The following CCDC137 variants were observed in gnomAD, a reference collection of about 807,000 sequenced individuals.
CCDC137 encodes the protein coiled-coil domain containing 137.
In CCDC137, 24 loss-of-function variants were observed where a neutral mutation model predicts 30.4. That is an observed-to-expected ratio of 0.79 (90% confidence interval 0.57 to 1.11). The LOEUF is 1.11. CCDC137 is among the 50% of genes least tolerant of loss of function. The probability of loss-of-function intolerance (pLI) is 0.00; values close to 1 mark genes in which losing one functional copy is unlikely to be tolerated. For synonymous variants in CCDC137, 182 were observed against 155.7 expected (o/e 1.17, Z -1.26); for missense variants, 417 against 380.4 (o/e 1.10, Z -0.80).
At position 81,667,713 on chromosome 17, in the gene CCDC137, G is replaced by A; in HGVS notation, c.135-16G>A. 1.9e-6 allele frequency: 3 copies of A among 1,613,468 alleles called. 1 individual carries two copies. The highest frequency in any genetic ancestry group is 2.2e-5 in the South Asian group (2 of 91,042). On this transcript the variant is annotated splice_polypyrimidine_tract_variant and intron_variant, in intron 1 of 5. Transcript: ENST00000329214. Reference sequence around the variant, plus strand: ...TTTACTTGGGACGGGTCTCACCCCCGTGTTCTTTCTCCCAGCAAAGAGAAG... The same window carrying A: ...TTTACTTGGGACGGGTCTCACCCCCATGTTCTTTCTCCCAGCAAAGAGAAG...
intron 4 of CCDC137, 50 bp downstream of exon 4, chr17:81,671,876 G>C: frequency 1.3e-6 from 2 of 1,593,554 alleles, no homozygotes; most frequent in Non-Finnish European, 8.6e-7. Flanking sequence ...GTGGGGCCTG[G>C]GCGCAGGCCT....
In CCDC137 at chr17:81,670,307, G is replaced by A. The variant is rs376115816; in HGVS notation, c.351G>A (p.Arg117=). Residue 117 remains arginine (R), a synonymous_variant, in exon 3 of 6, where the codon AGG becomes AGA. Coordinates refer to ENST00000329214, the MANE Select transcript of CCDC137 (RefSeq NM_199287.3). ...TCGCAGTCCCCAAGTTCAAACAGAG[G>A]AAGGGGGAGTCTGACGGGGCCTATA... The part of the protein sequence containing the change: ...PDIAVPKFKQ[R]KGESDGAYIH... 6.3e-5 allele frequency: 102 copies of A among 1,614,030 alleles called. No individual in the cohort carries two copies. The African/African-American group carries it at 1.1e-3, about 17-fold the overall frequency.
chr17:81,670,154 G>C, intron 2 of CCDC137, 71 bp from the exon 3 acceptor site: 2 of 1,208,374 alleles, frequency 1.7e-6, no homozygotes, highest in Non-Finnish European at 2.3e-6. Flanking sequence ...TTTGGGAGGG[G>C]AAATGAGCAT....
At chr17:81,671,396 A>G (rs2036718501) in intron 3 of CCDC137, among the ~76,000 whole-genome samples, 1 of 152,164 alleles carries the variant, frequency 6.6e-6, no homozygotes, top group Non-Finnish European at 1.5e-5. Flanking sequence ...GATGGGCTGG[A>G]TGAGTCTCTG....
rs574701572 is a variant in CCDC137, at chr17:81,667,837, C to A, written c.243C>A (p.Ile81=). ...MRSRQEMKNP[I]SNKKRKKAAQ... ...GCCGCCAAGAGATGAAAAACCCGAT[C>A]AGTAACAAGAAGAGGAAGAAAGCAG... The change falls in exon 2 of 6, where the codon ATC becomes ATA. Residue 81 remains isoleucine, a synonymous_variant. Transcript: ENST00000329214. 5 of 1,611,934 alleles carry A rather than the reference C, an allele frequency of 3.1e-6. No individual in the cohort carries two copies. The Admixed American group carries it at 6.7e-5, about 21-fold the overall frequency.
intron 3 of CCDC137, among the ~76,000 whole-genome samples, chr17:81,670,922 A>T (rs946389186): frequency 1.3e-5 from 2 of 151,916 alleles, no homozygotes; most frequent in African/African-American, 4.8e-5. Flanking sequence ...AGGTCAGGAG[A>T]TCGAGACCAT....
chr17:81,670,317 T>TC lies in CCDC137; in HGVS notation c.362dup (p.Asp122Ter). On this transcript the variant is annotated frameshift_variant, in exon 3 of 6. Coordinates refer to ENST00000329214, the MANE Select transcript of CCDC137 (RefSeq NM_199287.3). LOFTEE classifies it high-confidence loss of function. ...CAAGTTCAAACAGAGGAAGGGGGAG[T>TC]CTGACGGGGCCTATATCCACCGCAT... The TC allele has an allele frequency of 2.5e-6, 4 of 1,613,224 alleles. No individual in the cohort carries two copies. The highest frequency in any genetic ancestry group is 3.4e-6 in the Non-Finnish European group (4 of 1,179,892).
In CCDC137 at chr17:81,670,390, T is replaced by G; in HGVS notation, c.434T>G (p.Ile145Ser). 6.2e-7 allele frequency: 1 copy of G among 1,613,786 alleles called. No homozygotes were observed. Among genetic ancestry groups the G allele is most frequent in the Non-Finnish European group, 8.5e-7 (1 of 1,180,016 alleles). Residue 145 changes from isoleucine (I) to serine (S), a missense_variant, in exon 3 of 6, where the codon ATC (isoleucine) becomes AGC (serine). Physicochemically the swap from Ile to Ser is moderately radical, Grantham distance 142. Coordinates refer to ENST00000329214, the MANE Select transcript of CCDC137 (RefSeq NM_199287.3). Reference protein sequence around the residue: ...HVLFLSKNQAIRQPEVQAAPK... With the variant: ...HVLFLSKNQASRQPEVQAAPK... ...CTGTTCCTCAGCAAGAACCAGGCCATCCGGCAGCCAGAGGTGCAGGCAGCT... is the reference window on the plus strand; with the variant it reads ...CTGTTCCTCAGCAAGAACCAGGCCAGCCGGCAGCCAGAGGTGCAGGCAGCT...
Position 81,672,654 on chromosome 17 carries a change from G to A in CCDC137, c.820G>A (p.Gly274Arg), listed in dbSNP as rs61742298. 34,057 of 1,601,056 alleles carry A rather than the reference G, an allele frequency of 0.021. 434 individuals carry two copies. Among genetic ancestry groups the A allele is most frequent in the Non-Finnish European group, 0.024 (28,545 of 1,174,856 alleles). Residue 274 changes from glycine (G) to arginine (R), a missense_variant, in exon 6 of 6, where the codon GGG becomes AGG. By Grantham distance (125) the Gly-to-Arg change is moderately radical (BLOSUM62 -2). Transcript: ENST00000329214. Reference sequence around the variant, plus strand: ...GAAGCAGCGGCAGCAGCAGCTGCACGGGGAGCGACCCCACCTCACTTCCCG... The same window carrying A: ...GAAGCAGCGGCAGCAGCAGCTGCACAGGGAGCGACCCCACCTCACTTCCCG... ...ALKQRQQQLH[G>R]ERPHLTSRKK...
Position 81,672,750 on chromosome 17 carries a change from C to T in CCDC137, c.*46C>T, listed in dbSNP as rs780174434. ...GGCCACGCTCTGGGGCAACTGGCAC[C>T]AGGAGCTGCTACACCTGGGTAGGAG... On this transcript the variant is annotated 3_prime_UTR_variant, in exon 6 of 6. Coordinates refer to ENST00000329214, the MANE Select transcript of CCDC137 (RefSeq NM_199287.3). The T allele has an allele frequency of 2.0e-6, 3 of 1,489,598 alleles. No homozygotes were observed. The Admixed American group carries it at 6.3e-5, about 31-fold the overall frequency. The allele number at this position is 1,489,598 out of a possible 1,614,324, so 92.3% of individuals were successfully genotyped here.
chr17:81,671,316 G>T (rs1429254929), intron 3 of CCDC137, among the ~76,000 whole-genome samples: 1 of 152,194 alleles, frequency 6.6e-6, no homozygotes, highest in Non-Finnish European at 1.5e-5. Context: ...TGAAGGTGAA[G>T]CTTCCAGATT....
chr17:81,667,347 G>A (rs2036648982), intron 1 of CCDC137, among the ~76,000 whole-genome samples: 1 of 145,534 alleles, frequency 6.9e-6, no homozygotes. Flanking sequence ...TTGAGACGGA[G>A]TCTCACTCTG....
intron 3 of CCDC137, 61 bp downstream of exon 3, chr17:81,670,514 C>A: frequency 7.1e-7 from 1 of 1,406,430 alleles, no homozygotes; most frequent in Non-Finnish European, 9.8e-7. Flanking sequence ...ACATTGGGTT[C>A]CCATGACGGC....
At chr17:81,668,363 T>C (rs1346630195) in intron 2 of CCDC137, among the ~76,000 whole-genome samples, 1 of 152,148 alleles carries the variant, frequency 6.6e-6, no homozygotes, top group African/African-American at 2.4e-5. Flanking sequence ...CAGGCCCCTC[T>C]GAGAAGTCTT....
In CCDC137 at chr17:81,670,378, A is replaced by G; in HGVS notation, c.422A>G (p.Lys141Arg). 6.2e-7 allele frequency: 1 copy of G among 1,614,028 alleles called. No homozygotes were observed. The highest frequency in any genetic ancestry group is 8.5e-7 in the Non-Finnish European group (1 of 1,180,040). Residue 141 changes from lysine (K) to arginine (R), a missense_variant, in exon 3 of 6, where the codon AAG becomes AGG. Lys to Arg is a conservative substitution (Grantham distance 26). Transcript: ENST00000329214. Reference sequence around the variant, plus strand: ...GCCCAGCATGTGCTGTTCCTCAGCAAGAACCAGGCCATCCGGCAGCCAGAG... The same window carrying G: ...GCCCAGCATGTGCTGTTCCTCAGCAGGAACCAGGCCATCCGGCAGCCAGAG... The part of the protein sequence containing the change: ...QEAQHVLFLS[K>R]NQAIRQPEVQ...
intron 1 of CCDC137, 98 bp from the exon 2 acceptor site, chr17:81,667,631 C>A: frequency 6.9e-7 from 1 of 1,442,788 alleles, no homozygotes; most frequent in Non-Finnish European, 9.5e-7. Context: ...CCGGCCAGCC[C>A]GTGTAGATTC....
At chr17:81,668,875 G>A (rs1175055560) in intron 2 of CCDC137, among the ~76,000 whole-genome samples, 1 of 140,188 alleles carries the variant, frequency 7.1e-6, no homozygotes, top group African/African-American at 2.8e-5. Context: ...CTAATTTTTT[G>A]TGTGTGGTTT....
chr17:81,669,503 T>C (rs2036692301), intron 2 of CCDC137, among the ~76,000 whole-genome samples: 1 of 152,156 alleles, frequency 6.6e-6, no homozygotes, highest in Non-Finnish European at 1.5e-5. Context: ...GTCCGCCTCC[T>C]GTGTTCTACA....
In CCDC137 at chr17:81,672,470, C is replaced by A. The variant is rs368515571; in HGVS notation, c.661-25C>A. 1,373 of 1,544,560 alleles carry A rather than the reference C, an allele frequency of 8.9e-4. 1 individual carries two copies. Among genetic ancestry groups the A allele is most frequent in the Non-Finnish European group, 1.0e-3 (1,143 of 1,144,212 alleles). ...GCATCCCCTCCTTTCCCAGCCTGTG[C>A]CTCACCCTCCCCTCTCTCCCTCAGC... On this transcript the variant is annotated intron_variant, in intron 5 of 5. Coordinates refer to ENST00000329214, the MANE Select transcript of CCDC137 (RefSeq NM_199287.3).
Sources: gnomAD v4.1 joint callset for allele counts (sites outside exome capture counted in the v4.1 genomes callset) on GRCh38, gnomAD v4.1.1 for gene constraint, MANE v1.5 for transcripts, NCBI Gene and HGNC (gene_info 2026-07-23, HGNC 2026-07-21) for gene names.